Variants in PTPRG observed in about 807,000 individuals in gnomAD.
PTPRG encodes the protein receptor-type tyrosine-protein phosphatase gamma.
In PTPRG, 102 loss-of-function variants were observed where a neutral mutation model predicts 165.3. The observed-to-expected ratio is 0.62, with a 90% CI of 0.53 to 0.73. PTPRG has a LOEUF of 0.73. Ranked by LOEUF, PTPRG falls within the 30% of genes least tolerant of loss-of-function variation. The pLI, the probability that PTPRG is intolerant of heterozygous loss-of-function variation, is 0.00. For synonymous variants in PTPRG, 675 were observed against 669.5 expected, an observed-to-expected ratio of 1.01 and a Z score of -0.13; for missense variants, 1,866 against 1,861.4, an observed-to-expected ratio of 1.00 and a Z score of -0.05.
intron 6 of PTPRG, among the ~76,000 whole-genome samples, chr3:62,141,837 A>G (rs1703942661): frequency 6.6e-6 from 1 of 151,098 alleles, no homozygotes; most frequent in Admixed American, 6.6e-5. Flanking sequence ...TGAACCCAGG[A>G]GGTTGAGGCT....
chr3:61,936,055 C>T (rs1042661965), intron 2 of PTPRG, among the ~76,000 whole-genome samples: 3 of 152,058 alleles, frequency 2.0e-5, no homozygotes, highest in Admixed American at 6.5e-5. Context: ...CCTTCTATTC[C>T]CTCTGCCACA....
chr3:61,575,559 G>A (rs1700157345), intron 1 of PTPRG, among the ~76,000 whole-genome samples: 1 of 149,742 alleles, frequency 6.7e-6, no homozygotes, highest in African/African-American at 2.5e-5. Flanking sequence ...TAAATGAGAT[G>A]TGTGTGCAAA....
At chr3:61,917,466 C>A (rs903270056) in intron 2 of PTPRG, among the ~76,000 whole-genome samples, 1 of 152,108 alleles carries the variant, frequency 6.6e-6, no homozygotes, top group Non-Finnish European at 1.5e-5. Flanking sequence ...TAAAATCACA[C>A]CCTACCTTAG....
chr3:61,890,791 A>G (rs1162843801), intron 2 of PTPRG, among the ~76,000 whole-genome samples: 3 of 152,118 alleles, frequency 2.0e-5, no homozygotes, highest in African/African-American at 2.4e-5. Context: ...AGTCCTTTCT[A>G]CCTGCCATTC....
intron 3 of PTPRG, among the ~76,000 whole-genome samples, chr3:62,002,928 A>G (rs1340701466): frequency 2.6e-5 from 4 of 152,182 alleles, no homozygotes; most frequent in Admixed American, 1.3e-4. Context: ...CTGATCATAT[A>G]TATTTCCTCT....
chr3:62,101,799 A>G (rs1034907730), intron 5 of PTPRG, among the ~76,000 whole-genome samples: 3 of 152,232 alleles, frequency 2.0e-5, no homozygotes, highest in Admixed American at 6.5e-5. Context: ...ATAATGAACT[A>G]TTTAAAAACT....
chr3:61,598,429 A>G (rs1175829334), intron 1 of PTPRG, among the ~76,000 whole-genome samples: 55 of 152,182 alleles, frequency 3.6e-4, no homozygotes, highest in Non-Finnish European at 3.1e-4. Context: ...CTGAACTAGG[A>G]TGTGAGGTTG....
chr3:62,287,054 A>C (rs767332065), intron 28 of PTPRG, among the ~76,000 whole-genome samples: 1 of 152,200 alleles, frequency 6.6e-6, no homozygotes, highest in Non-Finnish European at 1.5e-5. Flanking sequence ...GGCTAAATAC[A>C]GGAAAGGCAA....
intron 6 of PTPRG, among the ~76,000 whole-genome samples, chr3:62,144,457 A>G (rs1414840590): frequency 1.3e-5 from 2 of 152,262 alleles, no homozygotes; most frequent in Non-Finnish European, 2.9e-5. Flanking sequence ...TTTGAACAGG[A>G]AAACCAATGC....
chr3:61,846,830 G>C (rs896092931), intron 2 of PTPRG, among the ~76,000 whole-genome samples: 7 of 152,120 alleles, frequency 4.6e-5, no homozygotes, highest in African/African-American at 1.7e-4. Context: ...TTGGAGGATT[G>C]CTTGAGTCCA....
At chr3:61,794,236 C>T (rs2034982626) in intron 2 of PTPRG, among the ~76,000 whole-genome samples, 1 of 152,018 alleles carries the variant, frequency 6.6e-6, no homozygotes, top group Non-Finnish European at 1.5e-5. Flanking sequence ...TTATTATGGA[C>T]TTGTGTGTGG....
rs556907427 is a variant in PTPRG at position 61,713,327 on chromosome 3, A to ATTTTTTTTTTT, written c.86-35544_86-35534dup. Among the ~76,000 whole-genome samples the ATTTTTTTTTTT allele has an allele frequency of 3.0e-3, 410 of 135,472 alleles. 3 individuals carry two copies. Among genetic ancestry groups the ATTTTTTTTTTT allele is most frequent in the South Asian group, 0.013 (56 of 4,206 alleles). 88.9% of individuals were successfully genotyped at this position (135,472 alleles called of 152,430 possible). On this transcript the variant is annotated intron_variant, in intron 1 of 29. Transcript: ENST00000474889. Reference sequence around the variant, plus strand: ...AGGCACGTGAGACCACGCTCAGCTAATTTTTTTTTTTTTTTTTGTATTTTT... The same window carrying ATTTTTTTTTTT: ...AGGCACGTGAGACCACGCTCAGCTAATTTTTTTTTTTTTTTTTTTTTTTTTTTTGTATTTTT...
intron 1 of PTPRG, among the ~76,000 whole-genome samples, chr3:61,590,769 CT>C (rs1700550259): frequency 6.6e-6 from 1 of 152,034 alleles, no homozygotes; most frequent in African/African-American, 2.4e-5. Context: ...TTGTTGACCC[CT>C]AATACATTTA....
intron 1 of PTPRG, among the ~76,000 whole-genome samples, chr3:61,713,327 A>ATTTTTTTTTTTTTTTTTTTTTTTT (rs556907427): frequency 2.2e-5 from 3 of 135,504 alleles, no homozygotes; most frequent in Non-Finnish European, 4.8e-5. Context: ...CGCTCAGCTA[A>ATTTTTTTTTTTTTTTTTTTTTTTT]TTTTTTTTTT....
intron 10 of PTPRG, among the ~76,000 whole-genome samples, chr3:62,201,091 C>G (rs1700085956): frequency 6.6e-6 from 1 of 152,170 alleles, no homozygotes; most frequent in Non-Finnish European, 1.5e-5. Flanking sequence ...CACCTTTTCT[C>G]TAGCAACGTG....
At chr3:61,945,155 A>G (rs972560189) in intron 2 of PTPRG, among the ~76,000 whole-genome samples, 1 of 152,186 alleles carries the variant, frequency 6.6e-6, no homozygotes, top group Non-Finnish European at 1.5e-5. Context: ...TAAGGTATAT[A>G]GTCTTGGCCA....
chr3:62,064,338 G>A (rs1700928593), intron 4 of PTPRG, among the ~76,000 whole-genome samples: 1 of 152,128 alleles, frequency 6.6e-6, no homozygotes, highest in South Asian at 2.1e-4. Context: ...ATACTGAGTT[G>A]TATGACATTT....
chr3:61,996,642 A>G (rs1323620759), intron 3 of PTPRG, among the ~76,000 whole-genome samples: 5 of 152,248 alleles, frequency 3.3e-5, no homozygotes, highest in African/African-American at 1.2e-4. Flanking sequence ...AAGGTTGCCC[A>G]AAGAAAGAAA....
chr3:62,062,897 G>T (rs567992569), intron 4 of PTPRG, among the ~76,000 whole-genome samples: 1 of 151,874 alleles, frequency 6.6e-6, no homozygotes, highest in Non-Finnish European at 1.5e-5. Context: ...CAAGCTATCT[G>T]CCCGTCTCAG....
Sources: allele counts gnomAD v4.1 joint callset (sites outside exome capture counted in the v4.1 genomes callset), GRCh38; gene constraint gnomAD v4.1.1; transcripts MANE v1.5; gene names NCBI Gene and HGNC (gene_info 2026-07-23, HGNC 2026-07-21).